The following TCF7L2 variants were observed in gnomAD, a reference collection of about 807,000 sequenced individuals.
TCF7L2 encodes the protein transcription factor 7-like 2.
In TCF7L2, 23 loss-of-function variants were observed where a neutral mutation model predicts 77.9. That is an observed-to-expected ratio of 0.30 (90% confidence interval 0.21 to 0.42). The LOEUF (loss-of-function observed/expected upper bound fraction) is 0.42, where lower values mean the gene tolerates loss of function less well. Ranked by LOEUF, TCF7L2 falls within the 10% of genes least tolerant of loss-of-function variation. TCF7L2 has a pLI of 1.00. For missense variants in TCF7L2, 654 were observed against 793.1 expected, an observed-to-expected ratio of 0.82 and a Z score of 2.11; for synonymous variants, 413 against 340.2, an observed-to-expected ratio of 1.21 and a Z score of -2.36.
chr10:113,129,960 C>T (rs745842794), intron 5 of TCF7L2: 35 of 1,288,118 alleles, frequency 2.7e-5, no homozygotes, highest in Middle Eastern at 2.1e-4. Context: ...AGCAGTTGGG[C>T]GGTTGGCACC....
At chr10:113,100,484 T>A (rs530434374) in intron 5 of TCF7L2, among the ~76,000 whole-genome samples, 1 of 152,244 alleles carries the variant, frequency 6.6e-6, no homozygotes, top group East Asian at 1.9e-4. Flanking sequence ...AAGGTGTATT[T>A]TTTTTTTTTC....
intron 13 of TCF7L2, chr10:113,161,419 C>T: frequency 1.4e-6 from 1 of 719,580 alleles, no homozygotes; most frequent in Non-Finnish European, 2.4e-6. Context: ...AAATTAAGCA[C>T]CCATGTTCCA....
At chr10:113,119,467 G>A (rs771361077) in intron 5 of TCF7L2, among the ~76,000 whole-genome samples, 46 of 152,212 alleles carry the variant, frequency 3.0e-4, no homozygotes, top group African/African-American at 6.5e-4. Flanking sequence ...TACTAATATC[G>A]GTCAGGGTCA....
intron 5 of TCF7L2, among the ~76,000 whole-genome samples, chr10:113,077,435 A>G (rs1315076293): frequency 1.3e-5 from 2 of 152,194 alleles, no homozygotes; most frequent in Non-Finnish European, 2.9e-5. Flanking sequence ...TCGCCATTGT[A>G]GAACATTTTC....
chr10:113,016,863 C>G lies in TCF7L2; in HGVS notation c.451-23162C>G, dbSNP rs75137148. Among the ~76,000 whole-genome samples, 48 of 152,276 alleles carry G rather than the reference C, an allele frequency of 3.2e-4. No individual in the cohort carries two copies. The East Asian group carries it at 8.7e-3, about 28-fold the overall frequency. ...GCTGCCCACCAGATCCTGACAGCATCCCACGCGGGAGCACTCTCGTGTGCC... is the reference window on the plus strand; with the variant it reads ...GCTGCCCACCAGATCCTGACAGCATGCCACGCGGGAGCACTCTCGTGTGCC... On this transcript the variant is annotated intron_variant, in intron 4 of 13. Transcript: ENST00000627217.
chr10:112,966,964 C>T (rs1433263254), intron 4 of TCF7L2, among the ~76,000 whole-genome samples: 2 of 152,216 alleles, frequency 1.3e-5, no homozygotes, highest in East Asian at 3.8e-4. Context: ...AGTGTTCATT[C>T]TCCCTCAGTC....
At chr10:112,995,873 T>G (rs1331910498) in intron 4 of TCF7L2, among the ~76,000 whole-genome samples, 1 of 152,172 alleles carries the variant, frequency 6.6e-6, no homozygotes, top group African/African-American at 2.4e-5. Context: ...CAGCTTCATC[T>G]TCATTGTCTA....
chr10:113,038,616 CTT>C (rs34043590), intron 4 of TCF7L2, among the ~76,000 whole-genome samples: 1 of 152,142 alleles, frequency 6.6e-6, no homozygotes, highest in Non-Finnish European at 1.5e-5. Flanking sequence ...CCTTTCCTGT[CTT>C]TTTTCTTTCT....
In TCF7L2 at chr10:113,082,375, T is replaced by C. The variant is rs530511808; in HGVS notation, c.552+42249T>C. 3.9e-5 allele frequency among the ~76,000 whole-genome samples: 6 copies of C among 152,250 alleles called. No individual in the cohort carries two copies. In the South Asian group the frequency reaches 1.2e-3, roughly 32 times the overall value. On this transcript the variant is annotated intron_variant, in intron 5 of 13. Coordinates refer to ENST00000627217, the MANE Select transcript of TCF7L2 (RefSeq NM_001146274.2). ...TTTACCCATTTTTCCCTGTACTGTTTATGATACAACAATTAAAAAAATCTT... is the reference window on the plus strand; with the variant it reads ...TTTACCCATTTTTCCCTGTACTGTTCATGATACAACAATTAAAAAAATCTT...
At chr10:113,121,775 A>AACACAC (rs59915449) in intron 5 of TCF7L2, among the ~76,000 whole-genome samples, 27 of 149,158 alleles carry the variant, frequency 1.8e-4, no homozygotes, top group South Asian at 6.3e-4. Flanking sequence ...ACATACACAC[A>AACACAC]ACACACACAC....
At chr10:113,129,296 C>T (rs867893505) in intron 5 of TCF7L2, 20 of 986,158 alleles carry the variant, frequency 2.0e-5, no homozygotes, top group Middle Eastern at 1.0e-3. Flanking sequence ...CTCCTGCACT[C>T]GGTTGATCAT....
At chr10:113,051,651 C>A (rs1428324267) in intron 5 of TCF7L2, among the ~76,000 whole-genome samples, 1 of 152,150 alleles carries the variant, frequency 6.6e-6, no homozygotes, top group Non-Finnish European at 1.5e-5. Context: ...CACAATCATC[C>A]CCCACAAATG....
At chr10:112,960,392 C>A (rs77660213) in intron 3 of TCF7L2, among the ~76,000 whole-genome samples, 1 of 152,184 alleles carries the variant, frequency 6.6e-6, no homozygotes, top group Admixed American at 6.5e-5. Context: ...GAGTCTTCAC[C>A]GTTCTTCCTC....
chr10:113,122,135 T>G (rs894054132), intron 5 of TCF7L2, among the ~76,000 whole-genome samples: 9 of 152,242 alleles, frequency 5.9e-5, no homozygotes, highest in African/African-American at 2.2e-4. Flanking sequence ...ATTCTTCTCC[T>G]GAAGTATCAA....
chr10:113,104,776 C>G (rs2062075205), intron 5 of TCF7L2, among the ~76,000 whole-genome samples: 1 of 152,200 alleles, frequency 6.6e-6, no homozygotes, highest in Non-Finnish European at 1.5e-5. Flanking sequence ...GAACACAATT[C>G]TACTCTTCTG....
chr10:113,146,731 A>G (rs992555086), intron 8 of TCF7L2, among the ~76,000 whole-genome samples: 3 of 151,966 alleles, frequency 2.0e-5, no homozygotes, highest in Non-Finnish European at 2.9e-5. Flanking sequence ...GACAACAACT[A>G]TTAATAAGAT....
chr10:113,038,428 G>A (rs1438285580), intron 4 of TCF7L2, among the ~76,000 whole-genome samples: 1 of 152,134 alleles, frequency 6.6e-6, no homozygotes, highest in Non-Finnish European at 1.5e-5. Flanking sequence ...TGGGAAAATC[G>A]ACTGTGTACT....
chr10:113,111,484 A>G (rs890937028), intron 5 of TCF7L2, among the ~76,000 whole-genome samples: 1 of 152,006 alleles, frequency 6.6e-6, no homozygotes, highest in Non-Finnish European at 1.5e-5. Flanking sequence ...CCTCCTCCTC[A>G]TTTTCATTTG....
intron 5 of TCF7L2, among the ~76,000 whole-genome samples, chr10:113,105,949 A>G (rs2062247874): frequency 6.6e-6 from 1 of 152,240 alleles, no homozygotes; most frequent in Non-Finnish European, 1.5e-5. Flanking sequence ...AAACAAAAAA[A>G]TAGATTCTTT....
Sources: gnomAD v4.1 joint callset for allele counts (sites outside exome capture counted in the v4.1 genomes callset) on GRCh38, gnomAD v4.1.1 for gene constraint, MANE v1.5 for transcripts, NCBI Gene and HGNC (gene_info 2026-07-23, HGNC 2026-07-21) for gene names.